Variants in DOCK5 observed in about 807,000 individuals in gnomAD.
The protein encoded by DOCK5 is dedicator of cytokinesis 5.
DOCK5 carries 142 observed loss-of-function variants against 251.8 expected under a neutral mutation model. That is an observed-to-expected ratio of 0.56 (90% CI 0.49 to 0.65). DOCK5 has a LOEUF of 0.65. Among genes scored for constraint, DOCK5 ranks in the 30% least tolerant of loss-of-function variants. The pLI is 0.00. For synonymous variants in DOCK5, 842 were observed against 835.5 expected (o/e 1.01, Z -0.13); for missense variants, 2,111 against 2,312.3 (o/e 0.91, Z 1.79).
chr8:25,236,451 C>T (rs1247340628), intron 1 of DOCK5, among the ~76,000 whole-genome samples: 1 of 152,076 alleles, frequency 6.6e-6, no homozygotes, highest in Non-Finnish European at 1.5e-5. Context: ...TCTGTTTGGC[C>T]CTCTTGGATA....
At chr8:25,361,491 G>A (rs570373732) in intron 28 of DOCK5, among the ~76,000 whole-genome samples, 79 of 152,176 alleles carry the variant, frequency 5.2e-4, no homozygotes, top group African/African-American at 1.8e-3. Flanking sequence ...GCAGACACCC[G>A]TAATCCCAGC....
chr8:25,217,203 C>CACATACACATGTAT (rs1802270605), intron 1 of DOCK5, among the ~76,000 whole-genome samples: 1 of 149,316 alleles, frequency 6.7e-6, no homozygotes, highest in African/African-American at 2.5e-5. Context: ...TATATATATA[C>CACATACACATGTAT]ACATACACAT....
At chr8:25,393,108 A>G (rs1801289007) in intron 44 of DOCK5, among the ~76,000 whole-genome samples, 1 of 152,190 alleles carries the variant, frequency 6.6e-6, no homozygotes, top group Non-Finnish European at 1.5e-5. Context: ...TGACTCTTTT[A>G]TGTCCAGAGG....
At chr8:25,357,728 G>C (rs572365484) in intron 27 of DOCK5, among the ~76,000 whole-genome samples, 1 of 152,228 alleles carries the variant, frequency 6.6e-6, no homozygotes, top group Admixed American at 6.5e-5. Context: ...CATACGTTCA[G>C]AAAGAGATAG....
intron 45 of DOCK5, 171 bp downstream of exon 45, chr8:25,395,890 A>T (rs756704470): frequency 4.8e-6 from 4 of 829,854 alleles, no homozygotes; most frequent in Non-Finnish European, 7.9e-6. Flanking sequence ...CTTCTTAGAG[A>T]CTATCAGCAA....
intron 2 of DOCK5, among the ~76,000 whole-genome samples, chr8:25,258,194 G>T (rs1326225358): frequency 1.3e-5 from 2 of 151,780 alleles, no homozygotes; most frequent in Admixed American, 6.6e-5. Flanking sequence ...TTTGCTGACT[G>T]TGATTTGGTC....
chr8:25,189,313 C>T (rs1801517305), intron 1 of DOCK5, among the ~76,000 whole-genome samples: 1 of 152,058 alleles, frequency 6.6e-6, no homozygotes. Flanking sequence ...CAGCCTTAAG[C>T]CTCCCATGTT....
intron 35 of DOCK5, among the ~76,000 whole-genome samples, chr8:25,373,342 C>T (rs796380966): frequency 4.6e-5 from 7 of 152,236 alleles, no homozygotes; most frequent in African/African-American, 1.7e-4. Flanking sequence ...TTTTAGAGCA[C>T]CCGTCACCCG....
At chr8:25,387,053 C>T (rs567931295) in intron 40 of DOCK5, among the ~76,000 whole-genome samples, 2 of 152,312 alleles carry the variant, frequency 1.3e-5, no homozygotes, top group African/African-American at 4.8e-5. Flanking sequence ...CTGCCACTCT[C>T]TTCTATGGGA....
rs370907941 is a variant in DOCK5 at position 25,365,131 on chromosome 8, G to T, written c.3123+427G>T. Among the ~76,000 whole-genome samples the T allele has an allele frequency of 1.3e-4, 20 of 152,324 alleles. No individual in the cohort carries two copies. The South Asian group carries it at 4.1e-3, about 32-fold the overall frequency. Reference sequence around the variant, plus strand: ...TGCACAGTTTGTTGAAAGTCCAAAGGAATTGCAAAACGGATGACCGCTAGC... The same window carrying T: ...TGCACAGTTTGTTGAAAGTCCAAAGTAATTGCAAAACGGATGACCGCTAGC... On this transcript the variant is annotated intron_variant, in intron 30 of 51. Transcript: ENST00000276440.
At chr8:25,303,335 C>G (rs528892281) in intron 10 of DOCK5, among the ~76,000 whole-genome samples, 3 of 152,326 alleles carry the variant, frequency 2.0e-5, no homozygotes, top group East Asian at 1.9e-4. Flanking sequence ...TGGAATCCTC[C>G]CTGTCTGGGT....
At chr8:25,260,624 TTTG>T (rs1803552564) in intron 2 of DOCK5, among the ~76,000 whole-genome samples, 2 of 152,266 alleles carry the variant, frequency 1.3e-5, no homozygotes, top group South Asian at 4.1e-4. Context: ...TAAAAGCCCT[TTTG>T]TATTTAGTTA....
At chr8:25,356,086 G>A (rs1254808803) in intron 27 of DOCK5, among the ~76,000 whole-genome samples, 1 of 151,110 alleles carries the variant, frequency 6.6e-6, no homozygotes, top group Non-Finnish European at 1.5e-5. Context: ...TGTAGTCCGA[G>A]CTATTGGGAG....
chr8:25,347,009 G>A (rs544984078), intron 26 of DOCK5, among the ~76,000 whole-genome samples: 8 of 152,148 alleles, frequency 5.3e-5, no homozygotes, highest in East Asian at 1.9e-4. Context: ...TAGTTACCAC[G>A]TCTATGGTGG....
intron 1 of DOCK5, among the ~76,000 whole-genome samples, chr8:25,198,197 C>T (rs563279675): frequency 8.5e-5 from 13 of 152,168 alleles, no homozygotes; most frequent in Non-Finnish European, 1.5e-4. Context: ...CAAGTTGCAT[C>T]GTATTTGATT....
intron 5 of DOCK5, among the ~76,000 whole-genome samples, chr8:25,284,906 A>G (rs1439653403): frequency 6.6e-6 from 1 of 152,192 alleles, no homozygotes; most frequent in African/African-American, 2.4e-5. Context: ...TGTCCTGTAA[A>G]TTCTAAGGTG....
chr8:25,295,813 G>A (rs548464002), intron 6 of DOCK5, among the ~76,000 whole-genome samples: 1 of 151,956 alleles, frequency 6.6e-6, no homozygotes, highest in Admixed American at 6.6e-5. Context: ...ATGTGTGTAT[G>A]TATTTATTTA....
intron 11 of DOCK5, among the ~76,000 whole-genome samples, chr8:25,306,587 G>T (rs528396663): frequency 5.9e-5 from 9 of 151,496 alleles, no homozygotes; most frequent in African/African-American, 2.2e-4. Flanking sequence ...CCAGCTACTC[G>T]GGAGGCTGAG....
chr8:25,313,343 G>A (rs141579954), intron 13 of DOCK5, among the ~76,000 whole-genome samples: 62 of 152,186 alleles, frequency 4.1e-4, no homozygotes, highest in African/African-American at 1.4e-3. Flanking sequence ...TCATGGTATC[G>A]CTACATCTGA....
Sources: gnomAD v4.1 joint callset for allele counts (sites outside exome capture counted in the v4.1 genomes callset) on GRCh38, gnomAD v4.1.1 for gene constraint, MANE v1.5 for transcripts, NCBI Gene and HGNC (gene_info 2026-07-23, HGNC 2026-07-21) for gene names.